Variants in COP1 observed in about 807,000 individuals in gnomAD.
The protein encoded by COP1 is COP1 E3 ubiquitin ligase, also known as E3 ubiquitin-protein ligase COP1.
COP1 carries 24 observed loss-of-function variants against 101.3 expected under a neutral mutation model. The ratio of observed to expected loss-of-function variants is 0.24; its 90% CI spans 0.17 to 0.33. The LOEUF (loss-of-function observed/expected upper bound fraction) is 0.33. Ranked by LOEUF, COP1 falls within the 10% of genes least tolerant of loss-of-function variation. The pLI, the probability that COP1 is intolerant of heterozygous loss-of-function variation, is 1.00. For missense variants in COP1, 663 were observed against 906.2 expected (o/e 0.73, Z 3.45); for synonymous variants, 347 against 341.9 (o/e 1.01, Z -0.17).
chr1:175,989,639 T>C (rs1657938387), intron 15 of COP1, among the ~76,000 whole-genome samples, 160 bp from the exon 16 acceptor site: 1 of 152,112 alleles, frequency 6.6e-6, no homozygotes, highest in Non-Finnish European at 1.5e-5. Flanking sequence ...AAATATAAGA[T>C]TGGCTCTAGA....
At position 176,147,609 on chromosome 1, in the gene COP1, C is replaced by T. The variant is rs375968180; in HGVS notation, c.831+1397G>A. 1.2e-4 allele frequency among the ~76,000 whole-genome samples: 19 copies of T among 152,226 alleles called. 1 individual carries two copies. In the East Asian group the frequency reaches 3.3e-3, roughly 26 times the overall value. ...AGAGAAAAGAAAAAAAAATTAATCA[C>T]AAACATTAGCTTAGATTCAAACCAA... On this transcript the variant is annotated intron_variant, in intron 6 of 19. Coordinates refer to ENST00000367669, the MANE Select transcript of COP1 (RefSeq NM_022457.7).
rs573894581 is a variant in COP1 at position 176,193,724 on chromosome 1, T to C, written c.408-9032A>G. Among the ~76,000 whole-genome samples the C allele has an allele frequency of 5.3e-5, 8 of 152,244 alleles. No individual in the cohort carries two copies. In the South Asian group the frequency reaches 6.2e-4, roughly 12 times the overall value. ...ATACAAAAGACCATATATTATATGA[T>C]TGCATTTATATGAAGTGTCTGGAAT... is the stretch of plus-strand genomic sequence containing the variant. On this transcript the variant is annotated intron_variant, in intron 1 of 19. Coordinates refer to ENST00000367669, the MANE Select transcript of COP1 (RefSeq NM_022457.7).
chr1:176,041,693 T>C (rs1044184021), intron 14 of COP1, among the ~76,000 whole-genome samples: 2 of 152,158 alleles, frequency 1.3e-5, no homozygotes, highest in African/African-American at 2.4e-5. Flanking sequence ...AGGCCGGGCA[T>C]GGTGGCTCAC....
At chr1:175,962,717 T>A (rs1469497172) in intron 18 of COP1, among the ~76,000 whole-genome samples, 3 of 152,162 alleles carry the variant, frequency 2.0e-5, no homozygotes, top group Non-Finnish European at 2.9e-5. Context: ...GAACTTTGCT[T>A]CCCACCAGTG....
intron 11 of COP1, among the ~76,000 whole-genome samples, chr1:176,066,210 G>A (rs992881285): frequency 1.3e-5 from 2 of 151,970 alleles, no homozygotes; most frequent in Non-Finnish European, 2.9e-5. Flanking sequence ...TGATATAAAA[G>A]CCTCTAAGCC....
At chr1:175,988,262 T>C (rs754806553) in intron 17 of COP1, 26 bp downstream of exon 17, 4 of 1,580,762 alleles carry the variant, frequency 2.5e-6, no homozygotes, top group South Asian at 1.2e-5. Context: ...TGTTAAAAAG[T>C]TCCTGGAAAC....
Position 176,025,652 on chromosome 1 carries a change from A to T in COP1, c.1729+1920T>A, listed in dbSNP as rs1484401382. Among the ~76,000 whole-genome samples the T allele has an allele frequency of 2.0e-5, 3 of 152,138 alleles. No individual in the cohort carries two copies. The East Asian group carries it at 5.8e-4, about 29-fold the overall frequency. ...GCGCAGTGATCCCAGCACTTTGGGA[A>T]GCTGAGGTAGGCAGACTGCTTGAGC... On this transcript the variant is annotated intron_variant, in intron 15 of 19. Transcript: ENST00000367669.
intron 8 of COP1, among the ~76,000 whole-genome samples, chr1:176,121,705 G>A (rs1192006492): frequency 6.6e-6 from 1 of 152,102 alleles, no homozygotes. Context: ...AAATTAAAAT[G>A]AAATCTTCTC....
intron 11 of COP1, among the ~76,000 whole-genome samples, chr1:176,057,525 C>CG (rs1163229367): frequency 6.6e-6 from 1 of 152,204 alleles, no homozygotes; most frequent in East Asian, 1.9e-4. Context: ...TTGGTGGAGA[C>CG]GGGGTTTCGC....
At chr1:175,988,550 C>T (rs565113579) in intron 16 of COP1, 138 bp from the exon 17 acceptor site, 17 of 785,132 alleles carry the variant, frequency 2.2e-5, no homozygotes, top group Middle Eastern at 2.5e-4. Context: ...GTTCATCTGT[C>T]GGCCAGGCGT....
chr1:176,041,507 C>T (rs1670527845), intron 14 of COP1, among the ~76,000 whole-genome samples: 1 of 152,026 alleles, frequency 6.6e-6, no homozygotes, highest in Non-Finnish European at 1.5e-5. Context: ...CACCACCACA[C>T]CTGGCTAATT....
intron 15 of COP1, among the ~76,000 whole-genome samples, chr1:175,999,724 C>T (rs12130538): frequency 0.07 from 10,576 of 152,152 alleles, 460 homozygotes; most frequent in Non-Finnish European, 0.087. Flanking sequence ...TACATTCCCA[C>T]CACCACTGTA....
chr1:175,987,166 T>C, intron 17 of COP1, 63 bp from the exon 18 acceptor site: 1 of 858,228 alleles, frequency 1.2e-6, no homozygotes, highest in Non-Finnish European at 1.7e-6. Flanking sequence ...GACATCACAG[T>C]CTAATAGTAA....
At chr1:176,138,530 GAC>G (rs997798458) in intron 6 of COP1, among the ~76,000 whole-genome samples, 2 of 152,176 alleles carry the variant, frequency 1.3e-5, no homozygotes, top group African/African-American at 4.8e-5. Context: ...CACTCTTAAA[GAC>G]ACTGTCTGTC....
chr1:175,947,182 G>T lies in COP1; in HGVS notation c.2178+13C>A, dbSNP rs1313905263. The T allele has an allele frequency of 6.3e-7, 1 of 1,584,694 alleles. No individual in the cohort carries two copies. On this transcript the variant is annotated intron_variant, in intron 19 of 19. Transcript: ENST00000367669. ...GGCCTGAGTTTAAAATGGAGATATA[G>T]TAAATAGCTTACCTTAATTGTACCC...
intron 11 of COP1, among the ~76,000 whole-genome samples, chr1:176,075,461 CTT>C (rs1324262021): frequency 6.6e-6 from 1 of 152,110 alleles, no homozygotes; most frequent in Non-Finnish European, 1.5e-5. Context: ...CAAAAAACAT[CTT>C]TTTAGGGTTA....
chr1:175,963,952 G>C (rs1651693367), intron 18 of COP1, among the ~76,000 whole-genome samples: 1 of 152,126 alleles, frequency 6.6e-6, no homozygotes, highest in Non-Finnish European at 1.5e-5. Flanking sequence ...AACAAGTACA[G>C]TTGTCCAGTT....
chr1:176,043,609 T>C (rs1671018088), intron 13 of COP1, 101 bp downstream of exon 13: 1 of 746,750 alleles, frequency 1.3e-6, no homozygotes, highest in Non-Finnish European at 2.3e-6. Context: ...AAATACTAAA[T>C]AGTGACTTCA....
chr1:175,971,907 T>C (rs550879195), intron 18 of COP1, among the ~76,000 whole-genome samples: 15 of 152,160 alleles, frequency 9.9e-5, no homozygotes, highest in Non-Finnish European at 2.1e-4. Context: ...GAGAGCCTCC[T>C]GATGTGGCAC....
Sources: gnomAD v4.1 joint callset for allele counts (sites outside exome capture counted in the v4.1 genomes callset) on GRCh38, gnomAD v4.1.1 for gene constraint, MANE v1.5 for transcripts, NCBI Gene and HGNC (gene_info 2026-07-23, HGNC 2026-07-21) for gene names.